Variants in PCDHA5 observed in about 807,000 individuals in gnomAD.
PCDHA5 encodes the protein protocadherin alpha 5.
In PCDHA5, 43 loss-of-function variants were observed where a neutral mutation model predicts 61.6. The ratio of observed to expected loss-of-function variants is 0.70; its 90% CI spans 0.55 to 0.90. The LOEUF (loss-of-function observed/expected upper bound fraction) is 0.90, where lower values mean the gene tolerates loss of function less well. Among genes scored for constraint, PCDHA5 ranks in the 40% least tolerant of loss-of-function variants. The pLI is 0.00. For missense variants in PCDHA5, 1,298 were observed against 1,222.7 expected (o/e 1.06, Z -0.92); for synonymous variants, 627 against 543.9 (o/e 1.15, Z -2.13).
chr5:141,007,094 A>G (rs559556000), intron 3 of PCDHA5, among the ~76,000 whole-genome samples: 1 of 152,300 alleles, frequency 6.6e-6, no homozygotes, highest in Admixed American at 6.5e-5. Context: ...AAGAGAGTCT[A>G]GGGCCAAACC....
intron 1 of PCDHA5, among the ~76,000 whole-genome samples, chr5:140,977,927 T>G (rs1214119079): frequency 6.6e-6 from 1 of 152,180 alleles, no homozygotes; most frequent in Non-Finnish European, 1.5e-5. Context: ...TTCATTCAAC[T>G]ATACCTCAAT....
intron 1 of PCDHA5, chr5:140,835,800 C>T (rs1773939889): frequency 2.5e-6 from 4 of 1,612,944 alleles, no homozygotes; most frequent in Non-Finnish European, 3.4e-6. Context: ...GCCGGGCTGC[C>T]ACATCTTCAC....
intron 1 of PCDHA5, among the ~76,000 whole-genome samples, chr5:140,937,563 G>T (rs986469529): frequency 2.0e-5 from 3 of 151,960 alleles, no homozygotes; most frequent in African/African-American, 7.3e-5. Flanking sequence ...GTTGCAGTGA[G>T]CTGGGATCGC....
chr5:140,822,746 A>G lies in PCDHA5; in HGVS notation c.971A>G (p.Lys324Arg), dbSNP rs2150119046. The change falls in exon 1 of 4, where the codon AAA becomes AGA. Residue 324 changes from lysine (K) to arginine (R), a missense_variant. By Grantham distance (26) the Lys-to-Arg change is conservative (BLOSUM62 2). Coordinates refer to ENST00000529859, the MANE Select transcript of PCDHA5 (RefSeq NM_018908.3). ...GAAATTAATATTGATGCCATGGATAAAAGTACATTCCCATTATCAGGACAC... is the reference window on the plus strand; with the variant it reads ...GAAATTAATATTGATGCCATGGATAGAAGTACATTCCCATTATCAGGACAC... ...SYEINIDAMD[K>R]STFPLSGHCK... is the part of the protein sequence containing the mutation. 1.2e-5 allele frequency: 19 copies of G among 1,613,888 alleles called. No homozygotes were observed. The highest frequency in any genetic ancestry group is 1.5e-5 in the Non-Finnish European group (18 of 1,179,722).
chr5:140,949,120 T>C (rs782586418), intron 1 of PCDHA5, among the ~76,000 whole-genome samples: 3 of 151,756 alleles, frequency 2.0e-5, no homozygotes, highest in Non-Finnish European at 4.4e-5. Flanking sequence ...ATATTTTTGG[T>C]TTTCCTAGCT....
intron 1 of PCDHA5, chr5:140,836,394 G>T (rs2150259652): frequency 6.2e-7 from 1 of 1,613,796 alleles, no homozygotes; most frequent in East Asian, 2.2e-5. Context: ...GTCGCTGGTG[G>T]AAAGCGGCCA....
At chr5:140,922,316 A>G (rs983729529) in intron 1 of PCDHA5, among the ~76,000 whole-genome samples, 5 of 152,248 alleles carry the variant, frequency 3.3e-5, no homozygotes, top group Middle Eastern at 3.2e-3. Context: ...TTCACTGAAG[A>G]TCTTGGAAAG....
At position 140,929,057 on chromosome 5, in the gene PCDHA5, C is replaced by G. The variant is rs17844370; in HGVS notation, c.2353-49892C>G. The stretch of plus-strand genomic sequence containing the variant: ...TGCGCTCAGAGCTGCTGTCGCTCTA[C>G]AGAGGATCTGAGGTATGGAAGTAAG... On this transcript the variant is annotated intron_variant, in intron 1 of 3. Coordinates refer to ENST00000529859, the MANE Select transcript of PCDHA5 (RefSeq NM_018908.3). 3 of 1,614,070 alleles carry G rather than the reference C, an allele frequency of 1.9e-6. No individual in the cohort carries two copies. The African/African-American group carries it at 4.0e-5, about 22-fold the overall frequency.
chr5:140,850,398 C>T, intron 1 of PCDHA5: 2 of 1,597,936 alleles, frequency 1.3e-6, no homozygotes, highest in Non-Finnish European at 1.7e-6. Flanking sequence ...CAGCACAACG[C>T]GTGCCCTGGA....
At chr5:140,835,408 A>T (rs2150235029) in intron 1 of PCDHA5, 3 of 1,614,004 alleles carry the variant, frequency 1.9e-6, no homozygotes, top group Non-Finnish European at 2.5e-6. Flanking sequence ...GAAGTTGTGG[A>T]TGTAAATGAC....
chr5:140,976,453 G>A (rs1554237653), intron 1 of PCDHA5, among the ~76,000 whole-genome samples: 1 of 152,032 alleles, frequency 6.6e-6, no homozygotes, highest in Admixed American at 6.6e-5. Flanking sequence ...AGGGAGGCTG[G>A]GGAAGAAGAA....
At position 140,823,080 on chromosome 5, in the gene PCDHA5, G is replaced by A; in HGVS notation, c.1305G>A (p.Trp435Ter). Residue 435 changes from tryptophan to a stop codon, truncating the protein, a stop_gained, in exon 1 of 4, where the codon TGG (tryptophan) becomes TGA (stop). Transcript: ENST00000529859. LOFTEE classifies it high-confidence loss of function. ...GGGACGGGGGCTCGCCTTCGCTGTG[G>A]GCCACCGCCAGCGTGTCTGTGGAAG... is the stretch of plus-strand genomic sequence containing the variant. ...TARDGGSPSL[W>*]ATASVSVEVA... The A allele has an allele frequency of 2.5e-6, 4 of 1,613,920 alleles. No individual in the cohort carries two copies. The highest frequency in any genetic ancestry group is 2.2e-5 in the East Asian group (1 of 44,872).
intron 1 of PCDHA5, among the ~76,000 whole-genome samples, chr5:140,955,335 A>G (rs538609650): frequency 6.6e-6 from 1 of 152,266 alleles, no homozygotes; most frequent in South Asian, 2.1e-4. Flanking sequence ...AGTTCCCATA[A>G]TCCCCACATG....
At chr5:140,961,548 T>G (rs2095620507) in intron 1 of PCDHA5, among the ~76,000 whole-genome samples, 2 of 152,230 alleles carry the variant, frequency 1.3e-5, no homozygotes, top group Non-Finnish European at 2.9e-5. Flanking sequence ...CCTGCAGCAT[T>G]TCTTTTTTTA....
intron 1 of PCDHA5, among the ~76,000 whole-genome samples, chr5:140,873,350 A>G (rs251374): frequency 0.7 from 106,869 of 152,104 alleles, 38,096 homozygotes; most frequent in African/African-American, 0.82. Context: ...TCCAGATGAA[A>G]TTTTTGGAAT....
intron 1 of PCDHA5, chr5:140,830,400 T>C (rs2150186085): frequency 1.1e-5 from 18 of 1,614,068 alleles, no homozygotes; most frequent in Non-Finnish European, 8.5e-7. Flanking sequence ...ATGGATCTCA[T>C]GGCCTTTAGC....
chr5:140,995,956 G>A (rs1480673532), intron 3 of PCDHA5, among the ~76,000 whole-genome samples: 1 of 152,214 alleles, frequency 6.6e-6, no homozygotes, highest in African/African-American at 2.4e-5. Flanking sequence ...CACGCAAAAT[G>A]CTTAGAACCA....
chr5:140,926,723 C>G (rs1224901751), intron 1 of PCDHA5: 1 of 1,034,598 alleles, frequency 9.7e-7, no homozygotes, highest in Non-Finnish European at 1.3e-6. Flanking sequence ...CCGGCAATGC[C>G]GGCGTTCGGG....
intron 1 of PCDHA5, chr5:140,841,519 G>A: frequency 6.2e-7 from 1 of 1,613,590 alleles, no homozygotes; most frequent in Non-Finnish European, 8.5e-7. Flanking sequence ...TGTTCCGGGT[G>A]GCGTCCAAAA....
Sources: allele counts gnomAD v4.1 joint callset (sites outside exome capture counted in the v4.1 genomes callset), GRCh38; gene constraint gnomAD v4.1.1; transcripts MANE v1.5; gene names NCBI Gene and HGNC (gene_info 2026-07-23, HGNC 2026-07-21).